DENND1A: variants seen among roughly 807,000 people sequenced by gnomAD.
DENND1A encodes the protein DENN domain-containing protein 1A.
A neutral mutation model predicts 113.7 loss-of-function variants in DENND1A; 51 were observed. The ratio of observed to expected loss-of-function variants is 0.45; its 90% CI spans 0.36 to 0.57. The LOEUF is 0.57. Among genes scored for constraint, DENND1A ranks in the 20% least tolerant of loss-of-function variants. DENND1A has a pLI of 0.00. For missense variants in DENND1A, 1,258 were observed against 1,395.9 expected, an observed-to-expected ratio of 0.90 and a Z score of 1.57; for synonymous variants, 565 against 570.8, an observed-to-expected ratio of 0.99 and a Z score of 0.14.
intron 9 of DENND1A, among the ~76,000 whole-genome samples, chr9:123,646,444 T>C (rs1025498008): frequency 2.6e-5 from 4 of 152,118 alleles, no homozygotes; most frequent in Non-Finnish European, 4.4e-5. Context: ...TTCTATAGCA[T>C]GTTGGCATGC....
At chr9:123,680,209 C>T (rs2064354201) in intron 5 of DENND1A, among the ~76,000 whole-genome samples, 1 of 152,228 alleles carries the variant, frequency 6.6e-6, no homozygotes, top group Non-Finnish European at 1.5e-5. Context: ...AGGCACCTGC[C>T]TGGATCCAGG....
chr9:123,741,090 T>C (rs766057977), intron 5 of DENND1A, among the ~76,000 whole-genome samples: 4 of 152,164 alleles, frequency 2.6e-5, no homozygotes, highest in Non-Finnish European at 5.9e-5. Flanking sequence ...CTCAAGGAAA[T>C]TATATAATTT....
intron 1 of DENND1A, among the ~76,000 whole-genome samples, chr9:123,881,989 G>C (rs1226516860): frequency 6.6e-6 from 1 of 152,020 alleles, no homozygotes; most frequent in Non-Finnish European, 1.5e-5. Context: ...CTTCCAGGAC[G>C]TTGCTCTCTG....
chr9:123,595,322 C>T (rs2059635777), intron 11 of DENND1A, among the ~76,000 whole-genome samples: 1 of 152,174 alleles, frequency 6.6e-6, no homozygotes, highest in Non-Finnish European at 1.5e-5. Context: ...CCTCTAATGG[C>T]CCCTTTCCTG....
intron 18 of DENND1A, among the ~76,000 whole-genome samples, chr9:123,449,533 C>CAAAAAA (rs34903069): frequency 5.5e-5 from 4 of 72,618 alleles, no homozygotes; most frequent in African/African-American, 2.0e-4. Context: ...GACTCCGTCT[C>CAAAAAA]AAAAAAAAAA....
chr9:123,505,580 T>C (rs2052855989), intron 13 of DENND1A, among the ~76,000 whole-genome samples: 1 of 152,216 alleles, frequency 6.6e-6, no homozygotes, highest in Admixed American at 6.5e-5. Flanking sequence ...AAGGCAACAA[T>C]ATGTTCCTCT....
intron 12 of DENND1A, among the ~76,000 whole-genome samples, chr9:123,572,208 A>G (rs1293418803): frequency 7.2e-5 from 11 of 152,218 alleles, no homozygotes; most frequent in Admixed American, 3.9e-4. Context: ...CCAGAATACA[A>G]AATAAATGGA....
chr9:123,546,284 C>T (rs962614637), intron 13 of DENND1A, among the ~76,000 whole-genome samples: 2 of 151,962 alleles, frequency 1.3e-5, no homozygotes, highest in Admixed American at 6.6e-5. Flanking sequence ...CGAGGTGGCT[C>T]ACGCCTGTAA....
At chr9:123,760,261 T>C (rs544601670) in intron 4 of DENND1A, among the ~76,000 whole-genome samples, 1 of 152,334 alleles carries the variant, frequency 6.6e-6, no homozygotes, top group East Asian at 1.9e-4. Flanking sequence ...TTGGATATGA[T>C]ATGAATAAAG....
intron 10 of DENND1A, among the ~76,000 whole-genome samples, chr9:123,616,105 T>C (rs970060691): frequency 6.6e-6 from 1 of 152,166 alleles, no homozygotes; most frequent in Non-Finnish European, 1.5e-5. Flanking sequence ...GGTTTTTGTA[T>C]TTTTAGTGGA....
intron 5 of DENND1A, among the ~76,000 whole-genome samples, chr9:123,686,337 A>G (rs1219486511): frequency 6.6e-6 from 1 of 152,228 alleles, no homozygotes. Context: ...TCTCAGTCTG[A>G]CCTGCTCTAA....
In DENND1A at chr9:123,420,234, C is replaced by T. The variant is rs149655748; in HGVS notation, c.1489-8405G>A. Among the ~76,000 whole-genome samples the T allele has an allele frequency of 2.3e-4, 35 of 152,288 alleles. No individual in the cohort carries two copies. The East Asian group carries it at 5.2e-3, about 23-fold the overall frequency. ...ACTCAGGATATCCCAGTGGTCCTGGCGACTCTGAGACAGAGGCTCTATTAT... is the reference window on the plus strand; with the variant it reads ...ACTCAGGATATCCCAGTGGTCCTGGTGACTCTGAGACAGAGGCTCTATTAT... On this transcript the variant is annotated intron_variant, in intron 19 of 23. Transcript: ENST00000394215.
intron 2 of DENND1A, among the ~76,000 whole-genome samples, chr9:123,832,638 T>C (rs898643916): frequency 2.6e-5 from 4 of 152,100 alleles, no homozygotes; most frequent in Non-Finnish European, 5.9e-5. Flanking sequence ...GTAGAATGGA[T>C]CGATTGTGGC....
intron 12 of DENND1A, among the ~76,000 whole-genome samples, chr9:123,567,873 C>T (rs2058140084): frequency 6.6e-6 from 1 of 152,118 alleles, no homozygotes; most frequent in Admixed American, 6.6e-5. Flanking sequence ...GAAATTTTAA[C>T]CATCAGTTCA....
At chr9:123,649,884 A>C (rs1373145341) in intron 9 of DENND1A, among the ~76,000 whole-genome samples, 1 of 152,216 alleles carries the variant, frequency 6.6e-6, no homozygotes, top group Non-Finnish European at 1.5e-5. Context: ...CCTTATCTAT[A>C]AGATGGAAGT....
intron 1 of DENND1A, among the ~76,000 whole-genome samples, chr9:123,920,793 G>A (rs80056780): frequency 0.12 from 18,743 of 150,650 alleles, 1,683 homozygotes; most frequent in African/African-American, 0.26. Context: ...AACTGATCTC[G>A]AACTCCTGAC....
At chr9:123,803,461 T>C (rs962044086) in intron 2 of DENND1A, among the ~76,000 whole-genome samples, 1 of 152,136 alleles carries the variant, frequency 6.6e-6, no homozygotes, top group Non-Finnish European at 1.5e-5. Flanking sequence ...ATTCCCTTAC[T>C]GGCCACTTCC....
At chr9:123,658,444 A>T (rs2063074680) in intron 8 of DENND1A, among the ~76,000 whole-genome samples, 1 of 152,148 alleles carries the variant, frequency 6.6e-6, no homozygotes, top group Non-Finnish European at 1.5e-5. Flanking sequence ...CATAAAATTC[A>T]CTCCTACATG....
intron 18 of DENND1A, 67 bp downstream of exon 18, chr9:123,450,626 C>T: frequency 3.0e-6 from 4 of 1,346,884 alleles, no homozygotes; most frequent in Non-Finnish European, 4.2e-6. Context: ...TTGATCCCCT[C>T]ATACTTTTTT....
Sources: gnomAD v4.1 joint callset for allele counts (sites outside exome capture counted in the v4.1 genomes callset) on GRCh38, gnomAD v4.1.1 for gene constraint, MANE v1.5 for transcripts, NCBI Gene and HGNC (gene_info 2026-07-23, HGNC 2026-07-21) for gene names.